The following C1orf87 variants were observed in gnomAD, a reference collection of about 807,000 sequenced individuals.
C1orf87 encodes the protein uncharacterized protein C1orf87.
C1orf87 carries 58 observed loss-of-function variants against 60.5 expected under a neutral mutation model. That is an observed-to-expected ratio of 0.96 (90% CI 0.78 to 1.19). The LOEUF is 1.19. C1orf87 is among the 50% of genes most tolerant of loss of function. C1orf87 has a pLI of 0.00. For synonymous variants in C1orf87, 236 were observed against 227.4 expected (o/e 1.04, Z -0.34); for missense variants, 673 against 638.6 (o/e 1.05, Z -0.58).
At chr1:59,998,531 G>T (rs1449400192) in intron 10 of C1orf87, among the ~76,000 whole-genome samples, 1 of 152,178 alleles carries the variant, frequency 6.6e-6, no homozygotes, top group South Asian at 2.1e-4. Context: ...TGTGCAGTGA[G>T]TGGGCATCTA....
intron 3 of C1orf87, among the ~76,000 whole-genome samples, chr1:60,046,189 C>T (rs1437465717): frequency 7.0e-6 from 1 of 143,130 alleles, no homozygotes. Context: ...TCCTTCCTTC[C>T]TTCTTTCCTT....
chr1:59,990,880 G>A, intron 11 of C1orf87, 47 bp from the exon 12 acceptor site: 2 of 1,569,938 alleles, frequency 1.3e-6, no homozygotes, highest in South Asian at 1.1e-5. Flanking sequence ...GAGGATGGAG[G>A]GAAAACAGAG....
intron 3 of C1orf87, among the ~76,000 whole-genome samples, chr1:60,050,811 C>G (rs762584556): frequency 6.6e-6 from 1 of 151,932 alleles, no homozygotes; most frequent in Non-Finnish European, 1.5e-5. Context: ...TGAAAATGAA[C>G]AAGCAACAAT....
chr1:60,040,153 T>G lies in C1orf87; in HGVS notation c.511A>C (p.Thr171Pro), dbSNP rs1363401993. Residue 171 changes from threonine (T) to proline (P), a missense_variant, in exon 5 of 12, where the codon ACA becomes CCA. Coordinates refer to ENST00000371201, the MANE Select transcript of C1orf87 (RefSeq NM_152377.3). Reference protein sequence around the residue: ...EDIGQSPSGTTNEDAFLLALV... With the variant: ...EDIGQSPSGTPNEDAFLLALV... Reference sequence around the variant, plus strand: ...GCAAGAAGAAAAGCGTCTTCATTTGTTGTCCCACTTGGGCTCTGGCCAATA... The same window carrying G: ...GCAAGAAGAAAAGCGTCTTCATTTGGTGTCCCACTTGGGCTCTGGCCAATA... 6.2e-7 allele frequency: 1 copy of G among 1,613,806 alleles called. No homozygotes were observed. The highest frequency in any genetic ancestry group is 1.3e-5 in the African/African-American group (1 of 74,956).
intron 2 of C1orf87, among the ~76,000 whole-genome samples, chr1:60,060,050 T>C (rs1440520293): frequency 6.6e-6 from 1 of 151,720 alleles, no homozygotes; most frequent in East Asian, 1.9e-4. Context: ...ATGTAGCTAA[T>C]GCTATTGTGT....
intron 3 of C1orf87, among the ~76,000 whole-genome samples, chr1:60,041,849 T>A (rs1372866360): frequency 3.9e-5 from 6 of 152,150 alleles, no homozygotes; most frequent in Non-Finnish European, 8.8e-5. Flanking sequence ...TTTATTTAAC[T>A]CTCACACAGC....
At chr1:60,010,002 A>G (rs541261821) in intron 9 of C1orf87, among the ~76,000 whole-genome samples, 1 of 149,704 alleles carries the variant, frequency 6.7e-6, no homozygotes, top group South Asian at 2.1e-4. Context: ...ACATATATAT[A>G]CATCTCACAG....
intron 8 of C1orf87, among the ~76,000 whole-genome samples, chr1:60,018,115 G>C (rs772589097): frequency 2.2e-4 from 33 of 152,166 alleles, no homozygotes; most frequent in Non-Finnish European, 7.4e-5. Flanking sequence ...TTGAACAGCA[G>C]ATTAATGGAC....
chr1:60,032,691 G>A (rs113881862), intron 7 of C1orf87, among the ~76,000 whole-genome samples: 31 of 151,966 alleles, frequency 2.0e-4, no homozygotes, highest in Middle Eastern at 6.8e-3. Flanking sequence ...CATCTGCCTC[G>A]GCGTCCCAAA....
intron 2 of C1orf87, among the ~76,000 whole-genome samples, chr1:60,072,083 C>A (rs1645587747): frequency 6.6e-6 from 1 of 152,036 alleles, no homozygotes; most frequent in East Asian, 1.9e-4. Flanking sequence ...ATCTGAGAAG[C>A]CCAAGCTTAG....
At chr1:59,997,900 T>C (rs1212730562) in intron 10 of C1orf87, 84 bp from the exon 11 acceptor site, 2 of 1,280,546 alleles carry the variant, frequency 1.6e-6, no homozygotes, top group Non-Finnish European at 1.1e-6. Flanking sequence ...GCCACACAAC[T>C]AGCAAGATTT....
chr1:60,043,048 T>G (rs1035093635), intron 3 of C1orf87, among the ~76,000 whole-genome samples: 25 of 152,250 alleles, frequency 1.6e-4, no homozygotes, highest in African/African-American at 5.5e-4. Flanking sequence ...ACAAGAGGAT[T>G]ACAGGAAGAG....
At chr1:60,004,800 G>A (rs914630912) in intron 9 of C1orf87, among the ~76,000 whole-genome samples, 2 of 151,898 alleles carry the variant, frequency 1.3e-5, no homozygotes, top group Admixed American at 6.6e-5. Context: ...CCAGGTGTTG[G>A]AGGGCCAGGT....
At chr1:60,005,475 A>G (rs878874182) in intron 9 of C1orf87, among the ~76,000 whole-genome samples, 1 of 152,144 alleles carries the variant, frequency 6.6e-6, no homozygotes, top group Admixed American at 6.6e-5. Context: ...GAAAGTAATG[A>G]TAGCTGCCAT....
At chr1:59,995,664 C>T (rs530827358) in intron 11 of C1orf87, among the ~76,000 whole-genome samples, 2 of 152,298 alleles carry the variant, frequency 1.3e-5, no homozygotes, top group Non-Finnish European at 1.5e-5. Context: ...TCCCGGACCT[C>T]GCATTAGATG....
chr1:60,008,789 C>A, intron 9 of C1orf87: 1 of 430,540 alleles, frequency 2.3e-6, no homozygotes, highest in South Asian at 1.7e-5. Flanking sequence ...GTAAGAGATC[C>A]AAGTGCAGCC....
chr1:60,045,572 C>A (rs1235744469), intron 3 of C1orf87, among the ~76,000 whole-genome samples: 2 of 152,182 alleles, frequency 1.3e-5, no homozygotes, highest in East Asian at 3.8e-4. Context: ...AACTGACAAT[C>A]TTATTTTATT....
chr1:60,007,346 C>T (rs1321111058), intron 9 of C1orf87, among the ~76,000 whole-genome samples: 1 of 152,064 alleles, frequency 6.6e-6, no homozygotes, highest in African/African-American at 2.4e-5. Flanking sequence ...ATCTACTGAG[C>T]TTTTAAATTT....
intron 9 of C1orf87, among the ~76,000 whole-genome samples, chr1:60,001,839 C>T (rs184292323): frequency 6.6e-6 from 1 of 152,112 alleles, no homozygotes; most frequent in African/African-American, 2.4e-5. Context: ...AGCCTCATCC[C>T]TAATCCAGTG....
Sources: allele counts gnomAD v4.1 joint callset (sites outside exome capture counted in the v4.1 genomes callset), GRCh38; gene constraint gnomAD v4.1.1; transcripts MANE v1.5; gene names NCBI Gene and HGNC (gene_info 2026-07-23, HGNC 2026-07-21).